PHF12: variants seen among roughly 807,000 people sequenced by gnomAD.
The protein encoded by PHF12 is PHD finger protein 12.
PHF12 carries 6 observed loss-of-function variants against 99.8 expected under a neutral mutation model. That is an observed-to-expected ratio of 0.06 (90% CI 0.03 to 0.12). The LOEUF (loss-of-function observed/expected upper bound fraction) is 0.12. Ranked by LOEUF, PHF12 falls within the 10% of genes least tolerant of loss-of-function variation. The pLI is 1.00. For synonymous variants in PHF12, 480 were observed against 514.9 expected (o/e 0.93, Z 0.92); for missense variants, 954 against 1,300.1 (o/e 0.73, Z 4.09).
At chr17:28,936,864 A>C (rs190688064) in intron 2 of PHF12, among the ~76,000 whole-genome samples, 1 of 152,112 alleles carries the variant, frequency 6.6e-6, no homozygotes, top group East Asian at 1.9e-4. Context: ...TGTGTAAGAC[A>C]AACTGCAAAA....
At chr17:28,910,998 A>G in intron 10 of PHF12, 114 bp downstream of exon 10, 1 of 1,405,910 alleles carries the variant, frequency 7.1e-7, no homozygotes, top group Non-Finnish European at 9.7e-7. Context: ...ATCTCCCCCT[A>G]GGCCTCTGGG....
At position 28,911,260 on chromosome 17, in the gene PHF12, GTTAC is replaced by G. The variant is rs771855142; in HGVS notation, c.2090-27_2090-24del. 1.5e-4 allele frequency: 238 copies of G among 1,613,444 alleles called. 1 individual carries two copies. Among genetic ancestry groups the G allele is most frequent in the Non-Finnish European group, 1.8e-4 (215 of 1,179,740 alleles). Reference sequence around the variant, plus strand: ...CATCTGGGGACGGAGCAGGAAGACTGTTACTTACGTCGCCTGAGGGAAACCCACC... The same window carrying G: ...CATCTGGGGACGGAGCAGGAAGACTGTTACGTCGCCTGAGGGAAACCCACC... On this transcript the variant is annotated intron_variant, in intron 9 of 14. Coordinates refer to ENST00000332830, the MANE Select transcript of PHF12 (RefSeq NM_001033561.2).
At chr17:28,917,246 G>C (rs1454241490) in intron 7 of PHF12, 39 bp downstream of exon 7, 1 of 1,611,970 alleles carries the variant, frequency 6.2e-7, no homozygotes, top group East Asian at 2.2e-5. Context: ...CATGATGGCA[G>C]GCAGACTACC....
chr17:28,948,846 T>TC (rs927968048), intron 2 of PHF12, among the ~76,000 whole-genome samples: 1 of 148,202 alleles, frequency 6.7e-6, no homozygotes, highest in Non-Finnish European at 1.5e-5. Context: ...GGCTCCTCTC[T>TC]CAAACCCCTG....
chr17:28,928,850 C>A (rs2040334531), intron 2 of PHF12, among the ~76,000 whole-genome samples: 1 of 152,046 alleles, frequency 6.6e-6, no homozygotes, highest in Admixed American at 6.6e-5. Flanking sequence ...GTAATCCCAG[C>A]ACTTTGGGAG....
chr17:28,917,582 C>T (rs1162209487), intron 6 of PHF12, 133 bp from the exon 7 acceptor site: 19 of 944,458 alleles, frequency 2.0e-5, no homozygotes, highest in South Asian at 3.5e-5. Flanking sequence ...ACCAGGATGT[C>T]GGCACTCTTT....
intron 2 of PHF12, among the ~76,000 whole-genome samples, chr17:28,936,296 C>T (rs2040508099): frequency 6.6e-6 from 1 of 152,042 alleles, no homozygotes; most frequent in African/African-American, 2.4e-5. Context: ...AGCAGTTTCT[C>T]AGTCTGGAAT....
At chr17:28,947,232 C>T (rs888909802) in intron 2 of PHF12, among the ~76,000 whole-genome samples, 4 of 151,654 alleles carry the variant, frequency 2.6e-5, no homozygotes, top group Non-Finnish European at 5.9e-5. Flanking sequence ...CCACCCTCCT[C>T]GGCCTCCCAA....
At chr17:28,910,453 T>A in intron 10 of PHF12, 84 bp from the exon 11 acceptor site, 1 of 1,465,084 alleles carries the variant, frequency 6.8e-7, no homozygotes, top group Non-Finnish European at 9.2e-7. Flanking sequence ...AGCAAATAGT[T>A]TGGCATTTCT....
chr17:28,912,373 G>C, intron 9 of PHF12, 109 bp downstream of exon 9: 2 of 1,447,068 alleles, frequency 1.4e-6, no homozygotes, highest in Non-Finnish European at 1.8e-6. Context: ...ACAATACAAA[G>C]GCCAAAGTCC....
At chr17:28,911,301 C>A in intron 9 of PHF12, 64 bp from the exon 10 acceptor site, 1 of 1,600,482 alleles carries the variant, frequency 6.2e-7, no homozygotes, top group Non-Finnish European at 8.5e-7. Context: ...TCCAATCCCC[C>A]ACTGCTGAGA....
chr17:28,951,382 G>T lies in PHF12; in HGVS notation c.-422C>A. 1.0e-6 allele frequency: 1 copy of T among 986,606 alleles called. No individual in the cohort carries two copies. Among genetic ancestry groups the T allele is most frequent in the Non-Finnish European group, 1.2e-6 (1 of 829,684 alleles). 61.1% of individuals were successfully genotyped at this position (986,606 alleles called of 1,614,324 possible). On this transcript the variant is annotated 5_prime_UTR_variant, in exon 1 of 15. Coordinates refer to ENST00000332830, the MANE Select transcript of PHF12 (RefSeq NM_001033561.2). ...TGGTACGTGAGGTGACTGGGGGGAG[G>T]GTGATGGGGGGTGGTCCCCGGGCTC...
chr17:28,942,836 AAAAT>A (rs966825755), intron 2 of PHF12, among the ~76,000 whole-genome samples: 5 of 151,874 alleles, frequency 3.3e-5, no homozygotes, highest in African/African-American at 9.7e-5. Flanking sequence ...TAAGTAAAAT[AAAAT>A]AAATAAATAA....
At position 28,924,282 on chromosome 17, in the gene PHF12, C is replaced by G. The variant is rs200428291; in HGVS notation, c.342G>C (p.Glu114Asp). The change falls in exon 4 of 15, where the codon GAG (glutamate) becomes GAC (aspartate). Residue 114 changes from glutamate (E) to aspartate (D), a missense_variant. By Grantham distance (45) the Glu-to-Asp change is conservative (BLOSUM62 2). This residue lies in a region of PHF12 where 109 missense variants were observed against 145.4 expected (regional missense o/e 0.75). Coordinates refer to ENST00000332830, the MANE Select transcript of PHF12 (RefSeq NM_001033561.2). ...CCACCAGTCCATTGACATGACCCAG[C>G]TCCTTTTTCTGCTCTCGTTTCTGTG... is the stretch of plus-strand genomic sequence containing the variant. ...VRRKKREQKKELGHVNGLVDK... is the reference protein window; with the variant it reads ...VRRKKREQKKDLGHVNGLVDK... The G allele has an allele frequency of 1.2e-6, 2 of 1,614,226 alleles. No homozygotes were observed. Among genetic ancestry groups the G allele is most frequent in the Non-Finnish European group, 1.7e-6 (2 of 1,180,044 alleles).
At position 28,912,861 on chromosome 17, in the gene PHF12, G is replaced by A. The variant is rs1299590939; in HGVS notation, c.1710C>T (p.Thr570=). The change falls in exon 9 of 15, where the codon ACC becomes ACT. Residue 570 remains threonine (T), a synonymous_variant. Transcript: ENST00000332830. ...GCCGGTGTGAGAGGCCTGGTAGTGG[G>A]GTGTTAGCGCCTGGAAGTCGCCGGG... ...TDPRRLPGAN[T]PLPGLSHRQG... The A allele has an allele frequency of 1.9e-6, 3 of 1,610,828 alleles. No individual in the cohort carries two copies. Among genetic ancestry groups the A allele is most frequent in the Non-Finnish European group, 2.5e-6 (3 of 1,177,674 alleles).
intron 11 of PHF12, 95 bp downstream of exon 11, chr17:28,910,131 T>G (rs1330747371): frequency 6.4e-7 from 1 of 1,555,156 alleles, no homozygotes; most frequent in African/African-American, 1.4e-5. Context: ...AGGTTTGAGA[T>G]ACTGGAAGCT....
chr17:28,932,323 G>C (rs1382374196), intron 2 of PHF12, among the ~76,000 whole-genome samples: 1 of 152,078 alleles, frequency 6.6e-6, no homozygotes, highest in Admixed American at 6.5e-5. Flanking sequence ...GTAGAAATAG[G>C]GTTTCACTAT....
chr17:28,946,794 C>T (rs554271177), intron 2 of PHF12, among the ~76,000 whole-genome samples: 1 of 152,270 alleles, frequency 6.6e-6, no homozygotes, highest in South Asian at 2.1e-4. Context: ...CACCTTGGCC[C>T]CTTTAAGTGC....
At chr17:28,933,440 C>T (rs1251860071) in intron 2 of PHF12, among the ~76,000 whole-genome samples, 2 of 152,226 alleles carry the variant, frequency 1.3e-5, no homozygotes, top group Non-Finnish European at 2.9e-5. Flanking sequence ...AGTAGCAGAA[C>T]TGGAACCCAA....
Sources: gnomAD v4.1 joint callset for allele counts (sites outside exome capture counted in the v4.1 genomes callset) on GRCh38, gnomAD v4.1.1 for gene constraint, gnomAD v4.1.1 regional missense constraint, MANE v1.5 for transcripts, NCBI Gene and HGNC (gene_info 2026-07-23, HGNC 2026-07-21) for gene names.